ABCD3: variants seen among roughly 807,000 people sequenced by gnomAD.
ABCD3 encodes ATP-binding cassette sub-family D member 3.
ABCD3 carries 41 observed loss-of-function variants against 105.5 expected under a neutral mutation model. That is an observed-to-expected ratio of 0.39 (90% CI 0.30 to 0.50). ABCD3 has a LOEUF of 0.50. ABCD3 is among the 20% of genes least tolerant of loss of function. The probability of loss-of-function intolerance (pLI) is 0.84; values close to 1 mark genes in which losing one functional copy is unlikely to be tolerated. For missense variants in ABCD3, 622 were observed against 806.3 expected (o/e 0.77, Z 2.77); for synonymous variants, 258 against 269.0 (o/e 0.96, Z 0.40).
chr1:94,497,537 TC>T (rs1162758764), intron 16 of ABCD3, among the ~76,000 whole-genome samples: 1 of 152,246 alleles, frequency 6.6e-6, no homozygotes, highest in African/African-American at 2.4e-5. Flanking sequence ...ACAGAGTTGA[TC>T]AGATACTTAC....
the ABCD3 span, among the ~76,000 whole-genome samples, chr1:94,389,674 C>G: frequency 3.9e-5 from 6 of 152,194 alleles, no homozygotes; most frequent in Non-Finnish European, 7.3e-5. Context: ...TGATTTCCCA[C>G]TCCACATGCT....
intron 1 of ABCD3, among the ~76,000 whole-genome samples, chr1:94,423,600 G>A (rs1557657132): frequency 6.6e-6 from 1 of 152,198 alleles, no homozygotes; most frequent in African/African-American, 2.4e-5. Context: ...GATATTTATA[G>A]TAGGGCTTTA....
chr1:94,497,808 T>G (rs1399915230), intron 16 of ABCD3, among the ~76,000 whole-genome samples: 3 of 152,148 alleles, frequency 2.0e-5, no homozygotes, highest in Non-Finnish European at 4.4e-5. Context: ...GGGGAGTGTT[T>G]AAATAAGTTA....
At chr1:94,418,975 A>T (rs1659143640) in intron 1 of ABCD3, 1 of 247,288 alleles carries the variant, frequency 4.0e-6, no homozygotes, top group Non-Finnish European at 7.9e-6. Flanking sequence ...TTGCCATCTC[A>T]TCTTCAGACC....
the ABCD3 span, among the ~76,000 whole-genome samples, chr1:94,395,620 C>T: frequency 3.3e-5 from 5 of 152,164 alleles, no homozygotes; most frequent in Admixed American, 3.3e-4. Flanking sequence ...TTGGTTAATG[C>T]TATTGATAAA....
chr1:94,459,977 T>G (rs1418064771), intron 2 of ABCD3, among the ~76,000 whole-genome samples: 1 of 152,216 alleles, frequency 6.6e-6, no homozygotes, highest in East Asian at 1.9e-4. Flanking sequence ...TTTGTATGCA[T>G]ATACCACATT....
intron 21 of ABCD3, chr1:94,514,761 C>T (rs1650849065): frequency 5.5e-6 from 1 of 182,708 alleles, no homozygotes; most frequent in South Asian, 1.2e-4. Context: ...GGATTATGAC[C>T]CTGTATTTGA....
intron 4 of ABCD3, among the ~76,000 whole-genome samples, chr1:94,472,393 ATAT>A (rs1648524336): frequency 6.6e-6 from 1 of 151,170 alleles, no homozygotes; most frequent in African/African-American, 2.4e-5. Context: ...AATGTCTGTA[ATAT>A]TCTTATTGCT....
intron 9 of ABCD3, among the ~76,000 whole-genome samples, chr1:94,480,823 T>C (rs1044914061): frequency 3.3e-5 from 5 of 152,226 alleles, no homozygotes; most frequent in Admixed American, 2.6e-4. Flanking sequence ...CTGATTCACC[T>C]GTTCATACCT....
rs774048694 is a variant in ABCD3 at position 94,499,050 on chromosome 1, T to C, written c.1620+16T>C. ...TTCTGACCTAGTAAGGGAATGTTTA[T>C]ATCCTAGATCCACTGAAAATACTCC... On this transcript the variant is annotated intron_variant, in intron 19 of 22. Coordinates refer to ENST00000370214, the MANE Select transcript of ABCD3 (RefSeq NM_002858.4). The C allele has an allele frequency of 8.8e-6, 14 of 1,585,146 alleles. No individual in the cohort carries two copies. The highest frequency in any genetic ancestry group is 1.7e-4 in the Middle Eastern group (1 of 6,010).
chr1:94,437,090 C>T (rs1326184854), intron 1 of ABCD3, among the ~76,000 whole-genome samples: 1 of 152,166 alleles, frequency 6.6e-6, no homozygotes, highest in Admixed American at 6.6e-5. Context: ...GGAAAGCAGC[C>T]ATCTCTATAA....
chr1:94,432,620 A>G (rs1419334497), intron 1 of ABCD3: 1 of 152,236 alleles, frequency 6.6e-6, no homozygotes, highest in East Asian at 1.9e-4. Context: ...TCTAATTATG[A>G]GAGTCCTTAA....
At chr1:94,466,329 A>G (rs1177900307) in intron 3 of ABCD3, among the ~76,000 whole-genome samples, 1 of 152,108 alleles carries the variant, frequency 6.6e-6, no homozygotes, top group Non-Finnish European at 1.5e-5. Context: ...CTCCCTTTAC[A>G]TTCCTACTGT....
chr1:94,413,591 A>T (rs1478890225), upstream of ABCD3, among the ~76,000 whole-genome samples: 4 of 152,356 alleles, frequency 2.6e-5, no homozygotes, highest in East Asian at 7.7e-4. Context: ...CCCCAATGCC[A>T]GCTTGGGCTA....
At chr1:94,472,273 T>C (rs939161649) in intron 4 of ABCD3, 1 of 950,482 alleles carries the variant, frequency 1.1e-6, no homozygotes. Context: ...GGCATGTTCT[T>C]GTGTGTTTCA....
chr1:94,498,819 G>A lies in ABCD3; in HGVS notation c.1501G>A (p.Glu501Lys). The stretch of plus-strand genomic sequence containing the variant: ...TTTTGGAGGACGTCTAACTAAACCT[G>A]AAAGAGGAAAATTATTTTATGTTCC... ...PLFGGRLTKP[E>K]RGKLFYVPQR... is the part of the protein sequence containing the mutation. The change falls in exon 18 of 23, where the codon GAA becomes AAA. Residue 501 changes from glutamate (E) to lysine (K), a missense_variant. Around this residue, in one of 4 missense-constraint regions of ABCD3, gnomAD observed 285 missense variants for 352.5 expected, o/e 0.81. Coordinates refer to ENST00000370214, the MANE Select transcript of ABCD3 (RefSeq NM_002858.4). 2 of 1,613,652 alleles carry A rather than the reference G, an allele frequency of 1.2e-6. No individual in the cohort carries two copies. Among genetic ancestry groups the A allele is most frequent in the Non-Finnish European group, 1.7e-6 (2 of 1,179,838 alleles).
the ABCD3 span, among the ~76,000 whole-genome samples, chr1:94,399,291 A>G: frequency 2.0e-5 from 3 of 152,248 alleles, no homozygotes; most frequent in Non-Finnish European, 4.4e-5. Flanking sequence ...TTTTAAATGT[A>G]TAAAAGTAAT....
chr1:94,453,036 T>C (rs137861816), intron 1 of ABCD3, among the ~76,000 whole-genome samples: 260 of 152,248 alleles, frequency 1.7e-3, no homozygotes, highest in African/African-American at 6.1e-3. Context: ...TCCAAAGTGC[T>C]CGGCCTTCCA....
intron 22 of ABCD3, among the ~76,000 whole-genome samples, chr1:94,516,807 A>T (rs1454771633): frequency 6.6e-6 from 1 of 151,912 alleles, no homozygotes; most frequent in Non-Finnish European, 1.5e-5. Context: ...TTTCAAGCTG[A>T]TTAGGAAATC....
Sources: allele counts gnomAD v4.1 joint callset (sites outside exome capture counted in the v4.1 genomes callset), GRCh38; gene constraint gnomAD v4.1.1; regional missense constraint gnomAD v4.1.1; transcripts MANE v1.5; gene names NCBI Gene and HGNC (gene_info 2026-07-23, HGNC 2026-07-21).